Variants in INPP4B observed in about 807,000 individuals in gnomAD.
INPP4B encodes inositol polyphosphate 4-phosphatase type II.
A neutral mutation model predicts 122.5 loss-of-function variants in INPP4B; 55 were observed. The observed-to-expected ratio is 0.45, with a 90% CI of 0.36 to 0.56. The LOEUF is 0.56. INPP4B is among the 20% of genes least tolerant of loss of function. The pLI, the probability that INPP4B is intolerant of heterozygous loss-of-function variation, is 0.00. For missense variants in INPP4B, 1,000 were observed against 1,097.7 expected (o/e 0.91, Z 1.26); for synonymous variants, 403 against 388.7 (o/e 1.04, Z -0.43).
intron 7 of INPP4B, among the ~76,000 whole-genome samples, chr4:142,320,749 G>A (rs1370515436): frequency 6.6e-6 from 1 of 152,088 alleles, no homozygotes; most frequent in East Asian, 1.9e-4. Context: ...TACTATGTTT[G>A]GTTTTCCATT....
intron 1 of INPP4B, among the ~76,000 whole-genome samples, chr4:142,750,770 C>CT (rs1201168900): frequency 6.6e-6 from 1 of 152,062 alleles, no homozygotes; most frequent in African/African-American, 2.4e-5. Context: ...GTAACTAACT[C>CT]TTAAGTCAGA....
chr4:142,686,409 A>G (rs1332712872), intron 2 of INPP4B, among the ~76,000 whole-genome samples: 1 of 152,106 alleles, frequency 6.6e-6, no homozygotes, highest in Non-Finnish European at 1.5e-5. Flanking sequence ...CCAGACCAAC[A>G]GTCTAGTTGG....
intron 2 of INPP4B, among the ~76,000 whole-genome samples, chr4:142,658,193 T>C (rs1310067818): frequency 1.3e-5 from 2 of 152,232 alleles, no homozygotes; most frequent in African/African-American, 2.4e-5. Context: ...TCACAGACAA[T>C]TGTTGTCTTG....
intron 2 of INPP4B, among the ~76,000 whole-genome samples, chr4:142,694,162 C>A (rs191561491): frequency 1.3e-5 from 2 of 152,006 alleles, no homozygotes; most frequent in South Asian, 4.2e-4. Context: ...CGCTTGAGGT[C>A]GGGAGTTCCA....
chr4:142,282,774 C>T (rs1021420866), intron 9 of INPP4B, among the ~76,000 whole-genome samples: 1 of 152,014 alleles, frequency 6.6e-6, no homozygotes, highest in African/African-American at 2.4e-5. Flanking sequence ...TTATCCCAGC[C>T]ACCTGTGTAT....
intron 1 of INPP4B, chr4:142,765,995 T>A (rs1281581735): frequency 6.6e-6 from 1 of 152,056 alleles, no homozygotes; most frequent in Non-Finnish European, 1.5e-5. Context: ...CTTAATGAGA[T>A]TTTTCTCTCT....
chr4:142,678,249 G>A (rs1001843329), intron 2 of INPP4B, among the ~76,000 whole-genome samples: 50 of 151,872 alleles, frequency 3.3e-4, no homozygotes, highest in African/African-American at 1.1e-3. Flanking sequence ...GGGGTCTACC[G>A]TATCAGCCCT....
rs573351461 is a variant in INPP4B, at chr4:142,333,825, G to A, written c.373-19063C>T. ...GTATACACTGTGCAATGATTACCAC[G>A]AACCAGCTATTTAACCTGTCCATCA... On this transcript the variant is annotated intron_variant, in intron 7 of 25. Transcript: ENST00000262992. 2.0e-5 allele frequency among the ~76,000 whole-genome samples: 3 copies of A among 152,136 alleles called. No homozygotes were observed. In the South Asian group the frequency reaches 6.2e-4, roughly 32 times the overall value.
chr4:142,183,652 C>T (rs139102862), intron 15 of INPP4B, among the ~76,000 whole-genome samples: 2,370 of 152,234 alleles, frequency 0.016, 33 homozygotes, highest in Non-Finnish European at 0.023. Context: ...CTGGAAATCA[C>T]TTGGAGTTTA....
chr4:142,204,536 G>T (rs1373513852), intron 14 of INPP4B, among the ~76,000 whole-genome samples: 2 of 151,842 alleles, frequency 1.3e-5, no homozygotes, highest in Non-Finnish European at 2.9e-5. Flanking sequence ...CCTGTTGTGG[G>T]TTTACTTGTA....
rs542501731 is a variant in INPP4B at position 142,131,794 on chromosome 4, G to A, written c.1721-7034C>T. 3.0e-3 allele frequency among the ~76,000 whole-genome samples: 464 copies of A among 152,190 alleles called. 1 individual carries two copies. Among genetic ancestry groups the A allele is most frequent in the African/African-American group, 0.011 (448 of 41,520 alleles). On this transcript the variant is annotated intron_variant, in intron 18 of 25. Coordinates refer to ENST00000262992, the MANE Select transcript of INPP4B (RefSeq NM_001101669.3). Reference sequence around the variant, plus strand: ...AATGTGGAGAAACCCCGTCTCTACTGAAAATACAAAATTAGATGGGCATGG... The same window carrying A: ...AATGTGGAGAAACCCCGTCTCTACTAAAAATACAAAATTAGATGGGCATGG...
intron 2 of INPP4B, among the ~76,000 whole-genome samples, chr4:142,473,678 C>G (rs978463677): frequency 6.6e-6 from 1 of 152,222 alleles, no homozygotes; most frequent in Admixed American, 6.5e-5. Flanking sequence ...ATGTTAGGTT[C>G]TAGTCCAGCG....
At chr4:142,413,223 G>A (rs1299524355) in intron 5 of INPP4B, among the ~76,000 whole-genome samples, 1 of 152,038 alleles carries the variant, frequency 6.6e-6, no homozygotes, top group Non-Finnish European at 1.5e-5. Context: ...AAAAATTAAT[G>A]TCCCAAATTC....
intron 2 of INPP4B, among the ~76,000 whole-genome samples, chr4:142,614,924 T>C (rs1743372215): frequency 6.6e-6 from 1 of 152,082 alleles, no homozygotes; most frequent in Non-Finnish European, 1.5e-5. Flanking sequence ...GAAAAAGGAA[T>C]GCTTATAGAC....
intron 2 of INPP4B, among the ~76,000 whole-genome samples, chr4:142,514,779 C>A (rs1413226212): frequency 6.7e-6 from 1 of 149,444 alleles, no homozygotes; most frequent in Non-Finnish European, 1.5e-5. Flanking sequence ...ATCCCCTGCA[C>A]ACACCATGAT....
At chr4:142,525,310 T>C (rs890484806) in intron 2 of INPP4B, among the ~76,000 whole-genome samples, 3 of 149,368 alleles carry the variant, frequency 2.0e-5, no homozygotes, top group African/African-American at 7.3e-5. Context: ...ATGGCCATAC[T>C]GCCCAAGGTA....
chr4:142,470,806 C>T (rs1024223383), intron 2 of INPP4B, among the ~76,000 whole-genome samples: 3 of 151,960 alleles, frequency 2.0e-5, no homozygotes, highest in Non-Finnish European at 4.4e-5. Context: ...GGTTTCCATT[C>T]TAGAGAAATA....
chr4:142,378,270 G>A (rs1792756371), intron 7 of INPP4B, among the ~76,000 whole-genome samples: 1 of 152,074 alleles, frequency 6.6e-6, no homozygotes, highest in Non-Finnish European at 1.5e-5. Flanking sequence ...CATCATGATT[G>A]AGAAGGAATC....
intron 1 of INPP4B, among the ~76,000 whole-genome samples, chr4:142,756,268 A>G (rs916630882): frequency 2.0e-5 from 3 of 152,092 alleles, no homozygotes; most frequent in Non-Finnish European, 4.4e-5. Context: ...ATTGCTGAAG[A>G]TGGCAGAGTA....
Sources: gnomAD v4.1 joint callset for allele counts (sites outside exome capture counted in the v4.1 genomes callset) on GRCh38, gnomAD v4.1.1 for gene constraint, MANE v1.5 for transcripts, NCBI Gene and HGNC (gene_info 2026-07-23, HGNC 2026-07-21) for gene names.